The following ZNF536 variants were observed in gnomAD, a reference collection of about 807,000 sequenced individuals.
ZNF536 encodes zinc finger protein 536.
Under a neutral mutation model 84.5 loss-of-function variants are expected in ZNF536, and 13 were observed. The observed-to-expected ratio is 0.15, with a 90% CI of 0.10 to 0.24. The LOEUF is 0.24. Ranked by LOEUF, ZNF536 falls within the 10% of genes least tolerant of loss-of-function variation. ZNF536 has a pLI of 1.00. For synonymous variants in ZNF536, 811 were observed against 742.5 expected (o/e 1.09, Z -1.50); for missense variants, 1,536 against 1,747.5 (o/e 0.88, Z 2.16).
intron 1 of ZNF536, among the ~76,000 whole-genome samples, chr19:30,271,294 C>CTTTTTTTTTTTTT (rs879683203): frequency 4.8e-5 from 5 of 103,180 alleles, no homozygotes; most frequent in Admixed American, 1.1e-4. Flanking sequence ...GTGTTTTTTT[C>CTTTTTTTTTTTTT]TTTTCTTTTT....
chr19:30,372,990 A>T (rs1231212605), intron 1 of ZNF536, among the ~76,000 whole-genome samples: 1 of 152,178 alleles, frequency 6.6e-6, no homozygotes, highest in African/African-American at 2.4e-5. Flanking sequence ...CTGAGCTCCA[A>T]ATTTTGCTTT....
intron 2 of ZNF536, among the ~76,000 whole-genome samples, chr19:30,323,700 G>T (rs149091869): frequency 2.6e-5 from 4 of 152,294 alleles, no homozygotes; most frequent in African/African-American, 9.6e-5. Context: ...TCATGGTTGG[G>T]ATGTCCAGAT....
chr19:30,588,103 G>T (rs149319249), intron 1 of ZNF536, among the ~76,000 whole-genome samples: 8 of 152,292 alleles, frequency 5.3e-5, no homozygotes, highest in Admixed American at 1.3e-4. Context: ...TCCCTCAGGC[G>T]GCAGCTGTGC....
At chr19:30,254,462 A>G (rs940725859) in intron 1 of ZNF536, among the ~76,000 whole-genome samples, 9 of 151,920 alleles carry the variant, frequency 5.9e-5, no homozygotes, top group Admixed American at 3.9e-4. Flanking sequence ...GTAGGAACAC[A>G]GCCCGCCTTA....
At chr19:30,457,091 T>TC (rs2052890969) in intron 2 of ZNF536, among the ~76,000 whole-genome samples, 1 of 151,058 alleles carries the variant, frequency 6.6e-6, no homozygotes, top group African/African-American at 2.4e-5. Flanking sequence ...CATCTCAGTG[T>TC]CTGGAAGCCC....
At chr19:30,427,021 C>G (rs1228263662) in intron 1 of ZNF536, among the ~76,000 whole-genome samples, 3 of 152,144 alleles carry the variant, frequency 2.0e-5, no homozygotes, top group Non-Finnish European at 4.4e-5. Context: ...CATCTGACAC[C>G]TACTAAATTT....
intron 1 of ZNF536, among the ~76,000 whole-genome samples, chr19:30,673,814 C>T (rs2050653681): frequency 6.6e-6 from 1 of 152,212 alleles, no homozygotes; most frequent in Non-Finnish European, 1.5e-5. Context: ...GACACACAGC[C>T]TTTTTCTCCT....
At chr19:30,300,033 G>A (rs1211689494) in intron 2 of ZNF536, among the ~76,000 whole-genome samples, 2 of 152,108 alleles carry the variant, frequency 1.3e-5, no homozygotes, top group African/African-American at 4.8e-5. Context: ...TTTCAGACGA[G>A]GCAAAACCTT....
At chr19:30,476,592 G>A (rs938291044) in intron 2 of ZNF536, among the ~76,000 whole-genome samples, 38 of 152,184 alleles carry the variant, frequency 2.5e-4, no homozygotes, top group African/African-American at 8.9e-4. Flanking sequence ...ACCTTTCTGA[G>A]TTTCCTCTAT....
At chr19:30,423,260 C>T (rs2051061454) in intron 1 of ZNF536, among the ~76,000 whole-genome samples, 1 of 151,952 alleles carries the variant, frequency 6.6e-6, no homozygotes, top group Admixed American at 6.6e-5. Context: ...TCCATCCATC[C>T]ATTCATCCAT....
At chr19:30,494,150 A>T (rs1300608876) in intron 2 of ZNF536, among the ~76,000 whole-genome samples, 4 of 152,186 alleles carry the variant, frequency 2.6e-5, no homozygotes, top group African/African-American at 9.7e-5. Context: ...GCTTAGAAAA[A>T]CCTGAATACT....
At chr19:30,624,968 C>T (rs1600070275) in intron 1 of ZNF536, among the ~76,000 whole-genome samples, 1 of 152,216 alleles carries the variant, frequency 6.6e-6, no homozygotes, top group African/African-American at 2.4e-5. Context: ...TTTGCTTCCT[C>T]TTCTGCCATG....
intron 1 of ZNF536, among the ~76,000 whole-genome samples, chr19:30,574,593 G>C (rs1441648042): frequency 6.6e-6 from 1 of 152,218 alleles, no homozygotes; most frequent in African/African-American, 2.4e-5. Flanking sequence ...GTTGCCTTAA[G>C]GCCTTTCTGG....
intron 1 of ZNF536, among the ~76,000 whole-genome samples, chr19:30,269,659 T>C (rs974353506): frequency 2.6e-5 from 4 of 152,204 alleles, no homozygotes; most frequent in Non-Finnish European, 5.9e-5. Context: ...CAGGTTACAT[T>C]CCTCCTCCTA....
At chr19:30,646,748 C>T (rs1354431547) in intron 1 of ZNF536, among the ~76,000 whole-genome samples, 2 of 152,152 alleles carry the variant, frequency 1.3e-5, no homozygotes, top group Non-Finnish European at 2.9e-5. Flanking sequence ...AAATCCTTTC[C>T]AATGTTATTG....
At chr19:30,259,774 A>G (rs1204093350) in intron 1 of ZNF536, among the ~76,000 whole-genome samples, 1 of 152,054 alleles carries the variant, frequency 6.6e-6, no homozygotes, top group African/African-American at 2.4e-5. Flanking sequence ...TTTTTCTGAG[A>G]CAGAGTCTTG....
chr19:30,452,081 A>G (rs1164262414), intron 2 of ZNF536, among the ~76,000 whole-genome samples: 3 of 152,166 alleles, frequency 2.0e-5, no homozygotes, highest in Non-Finnish European at 2.9e-5. Flanking sequence ...GACAGCCACA[A>G]GGTGTCCCTT....
chr19:30,503,742 C>T (rs1313036645), intron 2 of ZNF536, among the ~76,000 whole-genome samples: 1 of 152,206 alleles, frequency 6.6e-6, no homozygotes, highest in African/African-American at 2.4e-5. Context: ...ATTTCTCCAT[C>T]CCCTATCTCC....
At chr19:30,389,279 C>G (rs575264322) in intron 1 of ZNF536, among the ~76,000 whole-genome samples, 1 of 152,120 alleles carries the variant, frequency 6.6e-6, no homozygotes, top group African/African-American at 2.4e-5. Context: ...TGGTGATACT[C>G]GTGTATAGGG....
Sources: allele counts gnomAD v4.1 joint callset (sites outside exome capture counted in the v4.1 genomes callset), GRCh38; gene constraint gnomAD v4.1.1; transcripts MANE v1.5; gene names NCBI Gene and HGNC (gene_info 2026-07-23, HGNC 2026-07-21).